Variants in CCSER1 observed in about 807,000 individuals in gnomAD.
CCSER1 encodes the protein coiled-coil serine rich protein 1.
A neutral mutation model predicts 82.0 loss-of-function variants in CCSER1; 41 were observed. That is an observed-to-expected ratio of 0.50 (90% CI 0.39 to 0.65). The LOEUF (loss-of-function observed/expected upper bound fraction) is 0.65. Ranked by LOEUF, CCSER1 falls within the 30% of genes least tolerant of loss-of-function variation. The pLI, the probability that CCSER1 is intolerant of heterozygous loss-of-function variation, is 0.00. For missense variants in CCSER1, 1,119 were observed against 1,064.2 expected, an observed-to-expected ratio of 1.05 and a Z score of -0.72; for synonymous variants, 414 against 383.9, an observed-to-expected ratio of 1.08 and a Z score of -0.92.
chr4:90,402,643 C>G (rs1753043931), intron 4 of CCSER1, among the ~76,000 whole-genome samples: 1 of 152,034 alleles, frequency 6.6e-6, no homozygotes, highest in African/African-American at 2.4e-5. Context: ...AACAAAGCAA[C>G]AATTAGAAAA....
intron 8 of CCSER1, among the ~76,000 whole-genome samples, chr4:90,896,891 A>T (rs1241535775): frequency 6.6e-6 from 1 of 151,828 alleles, no homozygotes; most frequent in Non-Finnish European, 1.5e-5. Flanking sequence ...TTCAAAAATT[A>T]GTCTAAATAT....
intron 1 of CCSER1, among the ~76,000 whole-genome samples, chr4:90,285,615 A>G (rs1478356679): frequency 6.6e-6 from 1 of 152,006 alleles, no homozygotes; most frequent in African/African-American, 2.4e-5. Context: ...TTCCTTTCCA[A>G]TATGGTTGCC....
intron 10 of CCSER1, among the ~76,000 whole-genome samples, chr4:91,223,412 G>A (rs549977257): frequency 2.6e-5 from 4 of 151,932 alleles, no homozygotes; most frequent in South Asian, 4.1e-4. Context: ...TCTAGAAGTC[G>A]GTTTAAAAGG....
chr4:91,454,450 A>T (rs1756037391), intron 10 of CCSER1, among the ~76,000 whole-genome samples: 1 of 152,018 alleles, frequency 6.6e-6, no homozygotes, highest in Non-Finnish European at 1.5e-5. Flanking sequence ...ACTTATAAGG[A>T]CACACACAGA....
intron 10 of CCSER1, among the ~76,000 whole-genome samples, chr4:91,086,426 A>G (rs1353422318): frequency 6.6e-6 from 1 of 152,100 alleles, no homozygotes; most frequent in African/African-American, 2.4e-5. Flanking sequence ...CTAGGTTGGT[A>G]TGCATTATTA....
intron 6 of CCSER1, among the ~76,000 whole-genome samples, chr4:90,667,142 G>C (rs1464141562): frequency 1.3e-5 from 2 of 152,110 alleles, no homozygotes; most frequent in Non-Finnish European, 2.9e-5. Flanking sequence ...CTGAGAGTCA[G>C]TACACCATAG....
intron 1 of CCSER1, among the ~76,000 whole-genome samples, chr4:90,195,768 C>A (rs1736477178): frequency 6.6e-6 from 1 of 152,088 alleles, no homozygotes; most frequent in African/African-American, 2.4e-5. Flanking sequence ...ATAATTCTCT[C>A]TTCCCAGAAA....
chr4:91,398,411 A>G (rs535773394), intron 10 of CCSER1, among the ~76,000 whole-genome samples: 1 of 152,078 alleles, frequency 6.6e-6, no homozygotes, highest in South Asian at 2.1e-4. Flanking sequence ...AGCATTGTTT[A>G]AATATTATAT....
chr4:90,543,345 A>G (rs531068232), intron 5 of CCSER1, among the ~76,000 whole-genome samples: 2 of 152,272 alleles, frequency 1.3e-5, no homozygotes, highest in African/African-American at 4.8e-5. Context: ...TCTTTCCTAC[A>G]TAAGAAGACA....
At chr4:91,189,036 G>T (rs1005851897) in intron 10 of CCSER1, among the ~76,000 whole-genome samples, 17 of 152,022 alleles carry the variant, frequency 1.1e-4, no homozygotes, top group African/African-American at 3.9e-4. Flanking sequence ...AATTTTCTAG[G>T]TCTCTGCAAA....
At chr4:91,291,117 T>C (rs1743711192) in intron 10 of CCSER1, among the ~76,000 whole-genome samples, 1 of 151,756 alleles carries the variant, frequency 6.6e-6, no homozygotes, top group Non-Finnish European at 1.5e-5. Context: ...TTAATAAATA[T>C]CTGTAAGCAC....
At chr4:90,367,896 A>G (rs1746546856) in intron 3 of CCSER1, among the ~76,000 whole-genome samples, 1 of 151,932 alleles carries the variant, frequency 6.6e-6, no homozygotes. Flanking sequence ...ATAATCCTCA[A>G]CTATTTACTA....
At chr4:90,935,803 A>G (rs1730859966) in intron 9 of CCSER1, among the ~76,000 whole-genome samples, 1 of 152,134 alleles carries the variant, frequency 6.6e-6, no homozygotes, top group South Asian at 2.1e-4. Context: ...AGAGGTTACT[A>G]CTGGGGAAAA....
chr4:90,475,225 C>G (rs961906946), intron 5 of CCSER1, among the ~76,000 whole-genome samples: 1 of 152,172 alleles, frequency 6.6e-6, no homozygotes, highest in Non-Finnish European at 1.5e-5. Flanking sequence ...TTCGTGCCTT[C>G]AAATTCTTCC....
At chr4:90,479,573 C>A (rs1001076635) in intron 5 of CCSER1, among the ~76,000 whole-genome samples, 1 of 151,920 alleles carries the variant, frequency 6.6e-6, no homozygotes, top group African/African-American at 2.4e-5. Context: ...TCCCCTTCCT[C>A]TGTCCATGTG....
chr4:90,536,031 G>GTTTTT (rs781671347), intron 5 of CCSER1, among the ~76,000 whole-genome samples: 12 of 117,200 alleles, frequency 1.0e-4, no homozygotes, highest in African/African-American at 2.6e-4. Context: ...CTTTCTTTCT[G>GTTTTT]TTTTTTTTTT....
intron 1 of CCSER1, among the ~76,000 whole-genome samples, chr4:90,288,757 G>C (rs1038375988): frequency 2.1e-4 from 32 of 151,866 alleles, no homozygotes; most frequent in African/African-American, 7.7e-4. Flanking sequence ...CAAATTACTT[G>C]TTTGAGAAGC....
At chr4:90,972,984 A>G (rs923937344) in intron 9 of CCSER1, among the ~76,000 whole-genome samples, 1 of 151,744 alleles carries the variant, frequency 6.6e-6, no homozygotes, top group South Asian at 2.1e-4. Flanking sequence ...AAACTGGACC[A>G]TTATCTCACA....
intron 7 of CCSER1, among the ~76,000 whole-genome samples, chr4:90,772,889 A>G (rs906569590): frequency 3.3e-5 from 5 of 152,224 alleles, no homozygotes; most frequent in Admixed American, 1.3e-4. Context: ...CTAATGAATA[A>G]TCTGTGTTGC....
Sources: allele counts gnomAD v4.1 joint callset (sites outside exome capture counted in the v4.1 genomes callset), GRCh38; gene constraint gnomAD v4.1.1; transcripts MANE v1.5; gene names NCBI Gene and HGNC (gene_info 2026-07-23, HGNC 2026-07-21).